Variants in IMPG1 observed in about 807,000 individuals in gnomAD.
The protein encoded by IMPG1 is interphotoreceptor matrix proteoglycan of 150 kDa.
Under a neutral mutation model 92.0 loss-of-function variants are expected in IMPG1, and 85 were observed. That is an observed-to-expected ratio of 0.92 (90% confidence interval 0.78 to 1.11). IMPG1 has a LOEUF of 1.11. IMPG1 is among the 50% of genes least tolerant of loss of function. The pLI is 0.00. For missense variants in IMPG1, 1,022 were observed against 956.0 expected (o/e 1.07, Z -0.91); for synonymous variants, 367 against 334.1 (o/e 1.10, Z -1.08).
intron 12 of IMPG1, among the ~76,000 whole-genome samples, chr6:75,964,479 C>T (rs151303486): frequency 1.5e-4 from 23 of 152,016 alleles, no homozygotes; most frequent in African/African-American, 5.3e-4. Context: ...GAGTTCAAGA[C>T]CAGACTGGCT....
chr6:75,975,331 C>T (rs936734837), intron 12 of IMPG1, among the ~76,000 whole-genome samples: 2 of 152,196 alleles, frequency 1.3e-5, no homozygotes, highest in Admixed American at 6.5e-5. Context: ...CAGTTCTGAT[C>T]AGGACATATC....
At chr6:75,999,220 C>T (rs904679660) in intron 12 of IMPG1, among the ~76,000 whole-genome samples, 9 of 151,992 alleles carry the variant, frequency 5.9e-5, no homozygotes, top group African/African-American at 2.2e-4. Flanking sequence ...TCAGCTACTA[C>T]AAAAAAACAG....
At chr6:76,030,437 G>T (rs1416219316) in intron 4 of IMPG1, among the ~76,000 whole-genome samples, 1 of 152,078 alleles carries the variant, frequency 6.6e-6, no homozygotes, top group Non-Finnish European at 1.5e-5. Flanking sequence ...CCTTTCAAAT[G>T]CATCCTGAAC....
chr6:75,928,792 T>G (rs533208043), intron 15 of IMPG1, among the ~76,000 whole-genome samples: 1 of 152,212 alleles, frequency 6.6e-6, no homozygotes, highest in African/African-American at 2.4e-5. Flanking sequence ...CTGCCAATAT[T>G]TGATGATTTG....
At chr6:76,050,461 A>T (rs1252517368) in intron 1 of IMPG1, among the ~76,000 whole-genome samples, 3 of 152,020 alleles carry the variant, frequency 2.0e-5, no homozygotes, top group African/African-American at 7.2e-5. Flanking sequence ...TTAGGTTTGG[A>T]TCACCTAAGC....
chr6:76,008,018 GC>G (rs1485011371), intron 8 of IMPG1, among the ~76,000 whole-genome samples: 1 of 152,186 alleles, frequency 6.6e-6, no homozygotes, highest in Non-Finnish European at 1.5e-5. Flanking sequence ...CTATCAGTAA[GC>G]TTTGAGGGAT....
intron 1 of IMPG1, among the ~76,000 whole-genome samples, chr6:76,057,898 G>C (rs999146480): frequency 6.6e-6 from 1 of 151,900 alleles, no homozygotes; most frequent in Non-Finnish European, 1.5e-5. Context: ...ACTTTAAATA[G>C]CTGCATGTTA....
intron 12 of IMPG1, among the ~76,000 whole-genome samples, chr6:75,999,724 A>G (rs1359393036): frequency 6.6e-6 from 1 of 152,224 alleles, no homozygotes; most frequent in Admixed American, 6.5e-5. Flanking sequence ...TCAATGTGGA[A>G]TATTTGCACT....
intron 4 of IMPG1, among the ~76,000 whole-genome samples, chr6:76,026,208 C>A (rs1036803552): frequency 6.6e-6 from 1 of 152,182 alleles, no homozygotes; most frequent in African/African-American, 2.4e-5. Context: ...CTTTACTCAC[C>A]CTTCAAACCA....
chr6:75,965,698 T>TC (rs1270535609), intron 12 of IMPG1, among the ~76,000 whole-genome samples: 2 of 143,230 alleles, frequency 1.4e-5, no homozygotes, highest in Admixed American at 1.5e-4. Context: ...AAGCTCCGCC[T>TC]CTGGGTTCAC....
intron 11 of IMPG1, among the ~76,000 whole-genome samples, 168 bp from the exon 12 acceptor site, chr6:76,003,164 G>A (rs988106417): frequency 1.6e-4 from 25 of 152,128 alleles, no homozygotes; most frequent in African/African-American, 5.8e-4. Flanking sequence ...TGTTCTAAAA[G>A]GATAACATCC....
At chr6:75,953,736 A>G (rs963142346) in intron 12 of IMPG1, among the ~76,000 whole-genome samples, 2 of 151,698 alleles carry the variant, frequency 1.3e-5, no homozygotes, top group African/African-American at 4.8e-5. Flanking sequence ...TACAATAGGT[A>G]TTTCTGCTAA....
chr6:76,041,978 T>A lies in IMPG1; in HGVS notation c.216A>T (p.Ala72=). The change falls in exon 2 of 17, where the codon GCA becomes GCT. Residue 72 remains alanine (A), a synonymous_variant. Transcript: ENST00000369950. ...AGACTTTAACCCCCGTTGGGAAAAATGCGGATCTTTTTGTTCGATGCTTTG... is the reference window on the plus strand; with the variant it reads ...AGACTTTAACCCCCGTTGGGAAAAAAGCGGATCTTTTTGTTCGATGCTTTG... The part of the protein sequence containing the change: ...DLAKHRTKRS[A]FFPTGVKVCP... 6.2e-7 allele frequency: 1 copy of A among 1,614,030 alleles called. No homozygotes were observed. Among genetic ancestry groups the A allele is most frequent in the Non-Finnish European group, 8.5e-7 (1 of 1,179,904 alleles).
At chr6:75,972,316 C>A (rs1782435907) in intron 12 of IMPG1, among the ~76,000 whole-genome samples, 1 of 152,186 alleles carries the variant, frequency 6.6e-6, no homozygotes, top group Admixed American at 6.5e-5. Flanking sequence ...TCACTTCTAT[C>A]AAGAATTGTT....
At chr6:75,980,870 C>G (rs529137760) in intron 12 of IMPG1, among the ~76,000 whole-genome samples, 1 of 152,168 alleles carries the variant, frequency 6.6e-6, no homozygotes, top group Non-Finnish European at 1.5e-5. Flanking sequence ...AGTTCTGTCC[C>G]TCTAGAGAAC....
In IMPG1 at chr6:75,986,660, G is replaced by T. The variant is rs1310854118; in HGVS notation, c.1291+16258C>A. On this transcript the variant is annotated intron_variant, in intron 12 of 16. Transcript: ENST00000369950. ...TGAAGGCTGAAATATATCATTACTGGAATATTACCATAAACTGCATAAAGT... is the reference window on the plus strand; with the variant it reads ...TGAAGGCTGAAATATATCATTACTGTAATATTACCATAAACTGCATAAAGT... Among the ~76,000 whole-genome samples, 6 of 152,040 alleles carry T rather than the reference G, an allele frequency of 3.9e-5. No homozygotes were observed. The East Asian group carries it at 1.2e-3, about 29-fold the overall frequency.
At chr6:76,046,625 T>C (rs1783948595) in intron 1 of IMPG1, among the ~76,000 whole-genome samples, 1 of 152,196 alleles carries the variant, frequency 6.6e-6, no homozygotes, top group Admixed American at 6.5e-5. Flanking sequence ...GAGCTGTCAC[T>C]AGTTGTATAA....
intron 2 of IMPG1, among the ~76,000 whole-genome samples, chr6:76,039,556 A>G (rs1467559707): frequency 1.3e-5 from 2 of 152,120 alleles, no homozygotes; most frequent in African/African-American, 4.8e-5. Flanking sequence ...GGGTTTCACC[A>G]TATTGGCCAG....
chr6:75,954,669 T>C (rs1181753913), intron 12 of IMPG1, among the ~76,000 whole-genome samples: 3 of 152,222 alleles, frequency 2.0e-5, no homozygotes, highest in African/African-American at 4.8e-5. Flanking sequence ...TTGGGTGAAT[T>C]AGTCACGAAG....
Sources: gnomAD v4.1 joint callset for allele counts (sites outside exome capture counted in the v4.1 genomes callset) on GRCh38, gnomAD v4.1.1 for gene constraint, MANE v1.5 for transcripts, NCBI Gene and HGNC (gene_info 2026-07-23, HGNC 2026-07-21) for gene names.